Variants in RGPD2 observed in about 807,000 individuals in gnomAD.
RGPD2 encodes the protein RANBP2 like and GRIP domain containing 2.
A neutral mutation model predicts 36.0 loss-of-function variants in RGPD2; 2 were observed. That is an observed-to-expected ratio of 0.06 (90% CI 0.02 to 0.17). The LOEUF (loss-of-function observed/expected upper bound fraction) is 0.17. Among genes scored for constraint, RGPD2 ranks in the 10% least tolerant of loss-of-function variants. The pLI is 1.00. For synonymous variants in RGPD2, 19 were observed against 163.8 expected, an observed-to-expected ratio of 0.12 and a Z score of 6.75; for missense variants, 40 against 464.3, an observed-to-expected ratio of 0.09 and a Z score of 8.40.
the RGPD2 span, among the ~76,000 whole-genome samples, chr2:87,929,574 T>C: frequency 6.6e-6 from 1 of 151,514 alleles, no homozygotes; most frequent in Non-Finnish European, 1.5e-5. Flanking sequence ...CATATGAAAT[T>C]TAAAATAGTT....
chr2:87,915,287 T>TCTCCCTTTTCAACCATATTCC, the RGPD2 span, among the ~76,000 whole-genome samples: 1 of 137,962 alleles, frequency 7.2e-6, no homozygotes. Context: ...TATATATATA[T>TCTCCCTTTTCAACCATATTCC]ATGTATATTA....
chr2:87,988,430 A>AG, the RGPD2 span, among the ~76,000 whole-genome samples: 2 of 124,338 alleles, frequency 1.6e-5, no homozygotes, highest in African/African-American at 5.5e-5. Flanking sequence ...ATTACAGAAA[A>AG]AAAACATTAA....
the RGPD2 span, among the ~76,000 whole-genome samples, chr2:87,988,541 A>ATATATATATATATATATTTTT: frequency 7.4e-5 from 4 of 54,150 alleles, no homozygotes; most frequent in South Asian, 2.2e-3. Context: ...ATATATATAT[A>ATATATATATATATATATTTTT]TTTTTTTTTT....
the RGPD2 span, among the ~76,000 whole-genome samples, chr2:87,977,568 C>A: frequency 6.7e-6 from 1 of 150,020 alleles, no homozygotes; most frequent in Non-Finnish European, 1.5e-5. Context: ...AATCCCAACA[C>A]TCTGGGAGGC....
the RGPD2 span, among the ~76,000 whole-genome samples, chr2:87,937,505 G>A: frequency 6.6e-6 from 1 of 151,800 alleles, no homozygotes; most frequent in African/African-American, 2.4e-5. Flanking sequence ...CGTGAAGAAA[G>A]GCAAAGGGAG....
At chr2:87,842,294 T>G in the RGPD2 span, among the ~76,000 whole-genome samples, 2 of 147,006 alleles carry the variant, frequency 1.4e-5, no homozygotes, top group Non-Finnish European at 3.0e-5. Flanking sequence ...ATGACATGAC[T>G]GTATATCTAG....
the RGPD2 span, among the ~76,000 whole-genome samples, chr2:87,958,087 C>A: frequency 1.4e-4 from 21 of 151,888 alleles, no homozygotes; most frequent in African/African-American, 4.3e-4. Context: ...TGTTGCTAAC[C>A]AAATTGTTTG....
At chr2:87,836,171 A>C in the RGPD2 span, among the ~76,000 whole-genome samples, 5 of 151,984 alleles carry the variant, frequency 3.3e-5, no homozygotes, top group South Asian at 6.2e-4. Flanking sequence ...CAAGACACAT[A>C]GTCCTTGATC....
the RGPD2 span, among the ~76,000 whole-genome samples, chr2:87,831,147 G>T: frequency 6.6e-6 from 1 of 152,128 alleles, no homozygotes; most frequent in Non-Finnish European, 1.5e-5. Context: ...ATATTCTAGA[G>T]ATTAAAAATG....
At chr2:87,871,961 AAGGCTAGAC>A in the RGPD2 span, among the ~76,000 whole-genome samples, 2 of 145,536 alleles carry the variant, frequency 1.4e-5, no homozygotes, top group Non-Finnish European at 3.0e-5. Context: ...GAAATTCCAT[AAGGCTAGAC>A]AGAGAGCAAC....
At chr2:87,836,907 A>G in the RGPD2 span, among the ~76,000 whole-genome samples, 7 of 152,212 alleles carry the variant, frequency 4.6e-5, no homozygotes, top group East Asian at 1.4e-3. Flanking sequence ...ATCAAACAGA[A>G]AGAAAAATGA....
chr2:87,877,515 T>C, the RGPD2 span, among the ~76,000 whole-genome samples: 8 of 152,062 alleles, frequency 5.3e-5, no homozygotes, highest in Non-Finnish European at 2.9e-5. Context: ...TCTTTAAGAA[T>C]ATTGACAGCC....
chr2:87,857,367 G>GA, the RGPD2 span, among the ~76,000 whole-genome samples: 1 of 151,302 alleles, frequency 6.6e-6, no homozygotes, highest in Admixed American at 6.6e-5. Context: ...TTTTGAGACG[G>GA]AGTCTCGCTC....
At chr2:87,857,392 G>A in the RGPD2 span, among the ~76,000 whole-genome samples, 1 of 151,612 alleles carries the variant, frequency 6.6e-6, no homozygotes, top group Non-Finnish European at 1.5e-5. Flanking sequence ...GCCCAGGCTG[G>A]GGTGCAGTGG....
the RGPD2 span, among the ~76,000 whole-genome samples, chr2:87,988,947 G>A: frequency 2.0e-5 from 3 of 151,802 alleles, no homozygotes; most frequent in African/African-American, 7.3e-5. Context: ...AGCACACATA[G>A]AGTGGACATC....
chr2:87,897,896 T>A, the RGPD2 span, among the ~76,000 whole-genome samples: 5 of 152,124 alleles, frequency 3.3e-5, no homozygotes, highest in African/African-American at 1.2e-4. Context: ...TTCAACTTTG[T>A]GATTTATGTA....
intron 22 of RGPD2, among the ~76,000 whole-genome samples, chr2:87,762,392 T>C (rs1240165325): frequency 8.3e-6 from 1 of 119,842 alleles, no homozygotes; most frequent in Non-Finnish European, 1.6e-5. Flanking sequence ...ATACAAAAAA[T>C]TAGCCAGGCA....
At chr2:87,846,182 T>C in the RGPD2 span, among the ~76,000 whole-genome samples, 1 of 151,770 alleles carries the variant, frequency 6.6e-6, no homozygotes, top group African/African-American at 2.4e-5. Context: ...GCCTCATTGG[T>C]ATATAATTCA....
the RGPD2 span, chr2:87,972,702 C>T: frequency 6.6e-4 from 1,056 of 1,590,992 alleles, 7 homozygotes; most frequent in African/African-American, 0.013. Flanking sequence ...GCCTGGGGGG[C>T]ACTTCGGGCG....
Sources: allele counts gnomAD v4.1 joint callset (sites outside exome capture counted in the v4.1 genomes callset), GRCh38; gene constraint gnomAD v4.1.1; transcripts MANE v1.5; gene names NCBI Gene and HGNC (gene_info 2026-07-23, HGNC 2026-07-21).